The following TASOR2 variants were observed in gnomAD, a reference collection of about 807,000 sequenced individuals.
The protein encoded by TASOR2 is transcription activation suppressor family member 2.
TASOR2 carries 84 observed loss-of-function variants against 199.5 expected under a neutral mutation model. The observed-to-expected ratio is 0.42, with a 90% confidence interval of 0.35 to 0.50. The LOEUF (loss-of-function observed/expected upper bound fraction) is 0.50, where lower values mean the gene tolerates loss of function less well. Among genes scored for constraint, TASOR2 ranks in the 20% least tolerant of loss-of-function variants. The pLI is 0.02. For synonymous variants in TASOR2, 1,103 were observed against 1,046.6 expected (o/e 1.05, Z -1.04); for missense variants, 2,796 against 2,835.9 (o/e 0.99, Z 0.32).
In TASOR2 at chr10:5,690,775, T is replaced by C. The variant is rs1032317558; in HGVS notation, c.-288+5600T>C. Among the ~76,000 whole-genome samples, 1 of 152,198 alleles carries C rather than the reference T, an allele frequency of 6.6e-6. No homozygotes were observed. The highest frequency in any genetic ancestry group is 2.4e-5 in the African/African-American group (1 of 41,448). ...ACAACCATTTTATACAGGCAAAAGA[T>C]GGTTTAATGCCAAAGCACAAACTCA... On this transcript the variant is annotated intron_variant, in intron 1 of 20. Coordinates refer to ENST00000328090, the Ensembl canonical transcript of TASOR2. The surrounding 1 kb of genome is among the most constrained non-coding windows in gnomAD (Gnocchi z 4.8).
At chr10:5,745,552 G>A (rs1157705982) in intron 14 of TASOR2, among the ~76,000 whole-genome samples, 1 of 152,144 alleles carries the variant, frequency 6.6e-6, no homozygotes, top group Non-Finnish European at 1.5e-5. Context: ...GGCCGAGGTG[G>A]GTGGATCACT....
exon 2 of TASOR2, chr10:5,712,892 T>A: frequency 8.1e-7 from 1 of 1,231,090 alleles, no homozygotes; most frequent in Non-Finnish European, 1.0e-6. Context: ...CACTTACGGG[T>A]TTCTTCTGTT....
At chr10:5,688,863 C>T (rs1361555179) in intron 1 of TASOR2, among the ~76,000 whole-genome samples, 1 of 151,712 alleles carries the variant, frequency 6.6e-6, no homozygotes, top group African/African-American at 2.4e-5. Flanking sequence ...ATTAGTGGAG[C>T]GTGGTAGCAC....
intron 1 of TASOR2, chr10:5,709,735 T>C: frequency 8.5e-7 from 1 of 1,175,204 alleles, no homozygotes; most frequent in Non-Finnish European, 1.1e-6. Flanking sequence ...TGTTTTTAGT[T>C]TTAATTTAGA....
At chr10:5,708,719 T>G (rs1425842517) in intron 1 of TASOR2, among the ~76,000 whole-genome samples, 1 of 150,176 alleles carries the variant, frequency 6.7e-6, no homozygotes, top group African/African-American at 2.5e-5. Flanking sequence ...TTTCTCTCTT[T>G]CTGACATGGT....
chr10:5,758,992 G>A (rs1839382488), exon 18 of TASOR2: 1 of 1,605,478 alleles, frequency 6.2e-7, no homozygotes. Context: ...GAAGATGAAA[G>A]GTAAGGACTT....
Position 5,706,119 on chromosome 10 carries a change from C to T in TASOR2, c.-287-6704C>T, listed in dbSNP as rs1032680097. ...AGTTGTTCTGTAGCAGCATTTATTG[C>T]AAAGATATTCTTTCTCAATGGAATT... On this transcript the variant is annotated intron_variant, in intron 1 of 20. Transcript: ENST00000328090. This position sits in a 1 kb window ranked among gnomAD's most constrained non-coding sequence, Gnocchi z 4.8. 4.6e-5 allele frequency among the ~76,000 whole-genome samples: 7 copies of T among 152,022 alleles called. No individual in the cohort carries two copies. Among genetic ancestry groups the T allele is most frequent in the African/African-American group, 1.7e-4 (7 of 41,402 alleles).
Position 5,724,416 on chromosome 10 carries a change from G to T in TASOR2, c.248-14G>T. On this transcript the variant is annotated splice_polypyrimidine_tract_variant and intron_variant, in intron 7 of 20. Coordinates refer to ENST00000328090, the Ensembl canonical transcript of TASOR2. ...TATTAAAAATAAGAAATGTTTTTCT[G>T]GTTTTCTCTACAGTCTGTTTTCAAG... 7.2e-7 allele frequency: 1 copy of T among 1,398,208 alleles called. No homozygotes were observed. Among genetic ancestry groups the T allele is most frequent in the South Asian group, 1.3e-5 (1 of 74,566 alleles). The allele number at this position is 1,398,208 out of a possible 1,614,324, so 86.6% of individuals were successfully genotyped here.
At chr10:5,753,508 G>A (rs924853794) in intron 15 of TASOR2, among the ~76,000 whole-genome samples, 12 of 152,074 alleles carry the variant, frequency 7.9e-5, no homozygotes, top group Admixed American at 2.0e-4. Flanking sequence ...GACTACAGGC[G>A]CCCGCCACCA....
rs1413554782 is a variant in TASOR2 at position 5,727,070 on chromosome 10, G to T, written c.434G>T (p.Gly145Val). ...TTCTCATTCTGCATAGATTTTGGAG[G>T]CAAGCAGATGGGTCTGCATGGGTTA... is the stretch of plus-strand genomic sequence containing the variant. Residue 145 changes from glycine (G) to valine (V), a missense_variant, in exon 10 of 21, where the codon GGC becomes GTC. Coordinates refer to ENST00000328090, the Ensembl canonical transcript of TASOR2. The T allele has an allele frequency of 6.8e-6, 11 of 1,613,906 alleles. No homozygotes were observed. The South Asian group carries it at 9.9e-5, about 14-fold the overall frequency.
intron 3 of TASOR2, 137 bp downstream of exon 4, chr10:5,717,887 T>C: frequency 2.6e-6 from 1 of 389,778 alleles, no homozygotes; most frequent in Non-Finnish European, 4.5e-6. Flanking sequence ...CAAAACTATT[T>C]TTCCTTTTCT....
chr10:5,720,541 C>G lies in TASOR2; in HGVS notation c.-99-3C>G. 6.3e-7 allele frequency: 1 copy of G among 1,588,082 alleles called. No individual in the cohort carries two copies. Among genetic ancestry groups the G allele is most frequent in the Non-Finnish European group, 8.6e-7 (1 of 1,167,596 alleles). On this transcript the variant is annotated splice_polypyrimidine_tract_variant and splice_region_variant and intron_variant, in intron 3 of 20. Transcript: ENST00000328090. This position sits in a 1 kb window ranked among gnomAD's most constrained non-coding sequence, Gnocchi z 5.3. ...CTGATAATACTTATTTTTCCTCTTTCAGTATTACTTTTACGAACTTTCAGG... is the reference window on the plus strand; with the variant it reads ...CTGATAATACTTATTTTTCCTCTTTGAGTATTACTTTTACGAACTTTCAGG...
chr10:5,761,146 G>C, intron 18 of TASOR2, 144 bp from the exon 20 acceptor site: 1 of 646,860 alleles, frequency 1.5e-6, no homozygotes, highest in Non-Finnish European at 2.6e-6. Flanking sequence ...GTGATGTTTT[G>C]AGGTAACCAA....
Position 5,685,014 on chromosome 10 carries a change from G to C in TASOR2, c.-449G>C, listed in dbSNP as rs567637175. On this transcript the variant is annotated 5_prime_UTR_variant, in exon 1 of 21. Transcript: ENST00000328090. The surrounding 1 kb of genome is among the most constrained non-coding windows in gnomAD (Gnocchi z 5.4). ...GGGCTGGGGCGGACGGCGTGCCCCT[G>C]AGGGGGGTCCCCGCGGGAGCGCGGA... 175 of 397,802 alleles carry C rather than the reference G, an allele frequency of 4.4e-4. 1 individual carries two copies. The highest frequency in any genetic ancestry group is 3.3e-3 in the African/African-American group (163 of 48,720). 24.6% of individuals were successfully genotyped at this position (397,802 alleles called of 1,614,324 possible). A position where few individuals can be genotyped will look rare whatever the true frequency, so the allele number is the denominator to read the frequency against.
intron 16 of TASOR2, 84 bp downstream of exon 17, chr10:5,756,822 T>C: frequency 1.4e-6 from 2 of 1,435,272 alleles, no homozygotes; most frequent in African/African-American, 1.4e-5. Context: ...TCTTTTTTTA[T>C]GTAGAAGAGA....
chr10:5,744,654 G>A (rs970518918), intron 14 of TASOR2, among the ~76,000 whole-genome samples: 1 of 152,030 alleles, frequency 6.6e-6, no homozygotes, highest in African/African-American at 2.4e-5. Context: ...ACAGAGTCTC[G>A]TGAGCCACTG....
At position 5,749,150 on chromosome 10, in the gene TASOR2, C is replaced by T. The variant is rs745327568; in HGVS notation, c.5729C>T (p.Pro1910Leu). ...GTAAAGAAAGAAGAGAAGTGTGTGC[C>T]GCCTTACGTCCAAATCCGAGATCTC... The change falls in exon 15 of 21, where the codon CCG (proline) becomes CTG (leucine). Residue 1910 changes from proline (P) to leucine (L), a missense_variant. Physicochemically the swap from Pro to Leu is moderately conservative, Grantham distance 98. Coordinates refer to ENST00000328090, the Ensembl canonical transcript of TASOR2. The T allele has an allele frequency of 1.3e-5, 18 of 1,436,580 alleles. No homozygotes were observed. Among genetic ancestry groups the T allele is most frequent in the African/African-American group, 3.8e-5 (2 of 51,998 alleles). The allele number at this position is 1,436,580 out of a possible 1,614,324, so 89.0% of individuals were successfully genotyped here.
intron 11 of TASOR2, 49 bp downstream of exon 12, chr10:5,731,252 G>T: frequency 6.5e-6 from 10 of 1,530,744 alleles, no homozygotes; most frequent in Non-Finnish European, 8.8e-6. Flanking sequence ...GTTGTGGCCA[G>T]GCGTTGGTGG....
chr10:5,762,253 T>TA (rs33954327), intron 19 of TASOR2, among the ~76,000 whole-genome samples: 58 of 139,962 alleles, frequency 4.1e-4, no homozygotes, highest in Non-Finnish European at 5.8e-4. Flanking sequence ...TATCTATCTT[T>TA]AAAAAAAAAA....
Sources: gnomAD v4.1 joint callset for allele counts (sites outside exome capture counted in the v4.1 genomes callset) on GRCh38, gnomAD v4.1.1 for gene constraint, Gnocchi (gnomAD v3.1) non-coding constraint, MANE v1.5 for transcripts, NCBI Gene and HGNC (gene_info 2026-07-23, HGNC 2026-07-21) for gene names.